CHRM3: variants seen among roughly 807,000 people sequenced by gnomAD.
CHRM3 encodes muscarinic acetylcholine receptor M3.
In CHRM3, 11 loss-of-function variants were observed where a neutral mutation model predicts 41.8. The ratio of observed to expected loss-of-function variants is 0.26; its 90% CI spans 0.17 to 0.44. CHRM3 has a LOEUF of 0.44. Ranked by LOEUF, CHRM3 falls within the 20% of genes least tolerant of loss-of-function variation. The probability of loss-of-function intolerance (pLI) is 1.00; values close to 1 mark genes in which losing one functional copy is unlikely to be tolerated. For missense variants in CHRM3, 571 were observed against 745.4 expected, an observed-to-expected ratio of 0.77 and a Z score of 2.72; for synonymous variants, 297 against 301.4, an observed-to-expected ratio of 0.99 and a Z score of 0.15.
At chr1:239,554,295 T>C (rs1197365657) in intron 3 of CHRM3, among the ~76,000 whole-genome samples, 1 of 152,156 alleles carries the variant, frequency 6.6e-6, no homozygotes, top group Non-Finnish European at 1.5e-5. Context: ...AGAATTCGAG[T>C]ATTCTATTTA....
intron 6 of CHRM3, among the ~76,000 whole-genome samples, chr1:239,833,764 C>T (rs1306310017): frequency 6.6e-6 from 1 of 152,182 alleles, no homozygotes; most frequent in Non-Finnish European, 1.5e-5. Flanking sequence ...AAAACTGCCT[C>T]ATTACCAAGT....
At position 239,908,096 on chromosome 1, in the gene CHRM3, T is replaced by C. The variant is rs754018936; in HGVS notation, c.645T>C (p.Thr215=). 2.5e-6 allele frequency: 4 copies of C among 1,614,088 alleles called. No homozygotes were observed. In the East Asian group the frequency reaches 8.9e-5, roughly 36 times the overall value. Residue 215 remains threonine, a synonymous_variant, in exon 7 of 7, where the codon ACT becomes ACC. Coordinates refer to ENST00000676153, the MANE Select transcript of CHRM3 (RefSeq NM_001375978.1). The surrounding 1 kb of genome is among the most constrained non-coding windows in gnomAD (Gnocchi z 7.2). The part of the protein sequence containing the change: ...LFWQYFVGKR[T]VPPGECFIQF... ...GGCAATACTTTGTTGGAAAGAGAAC[T>C]GTGCCTCCGGGAGAGTGCTTCATTC...
intron 6 of CHRM3, among the ~76,000 whole-genome samples, chr1:239,876,159 G>A (rs756282164): frequency 6.6e-6 from 1 of 152,138 alleles, no homozygotes; most frequent in Admixed American, 6.6e-5. Flanking sequence ...GATCTTAGTA[G>A]TATTAGCCCA....
chr1:239,749,590 C>A (rs774329082), intron 5 of CHRM3, among the ~76,000 whole-genome samples: 1 of 152,104 alleles, frequency 6.6e-6, no homozygotes, highest in Admixed American at 6.5e-5. Context: ...ATCACTTGAA[C>A]CCCAGAGATG....
intron 5 of CHRM3, among the ~76,000 whole-genome samples, chr1:239,700,773 TCTTA>T (rs548381907): frequency 1.3e-3 from 191 of 152,270 alleles, no homozygotes; most frequent in South Asian, 3.7e-3. Context: ...CCTCCTGTTT[TCTTA>T]CTTAAGAAGT....
At chr1:239,404,354 A>AAG (rs1660274953) in intron 1 of CHRM3, among the ~76,000 whole-genome samples, 1 of 39,858 alleles carries the variant, frequency 2.5e-5, no homozygotes, top group Non-Finnish European at 4.7e-5. Flanking sequence ...GAGAAAGAGA[A>AAG]AGAAAGAAAG....
intron 1 of CHRM3, among the ~76,000 whole-genome samples, chr1:239,416,185 A>G (rs1467128357): frequency 6.6e-6 from 1 of 152,206 alleles, no homozygotes; most frequent in Non-Finnish European, 1.5e-5. Context: ...GATTTTTATT[A>G]AATAAAAGTT....
intron 1 of CHRM3, among the ~76,000 whole-genome samples, chr1:239,404,442 G>A (rs1472585956): frequency 8.1e-6 from 1 of 123,012 alleles, no homozygotes. Flanking sequence ...AAGAAAGAAA[G>A]AAAGAAAGAA....
At chr1:239,619,326 C>T (rs1263128366) in intron 3 of CHRM3, among the ~76,000 whole-genome samples, 1 of 152,136 alleles carries the variant, frequency 6.6e-6, no homozygotes, top group Non-Finnish European at 1.5e-5. Flanking sequence ...TCTGGACTGC[C>T]TGAAGTCCAC....
chr1:239,791,429 A>G (rs113813195), intron 5 of CHRM3, among the ~76,000 whole-genome samples: 3 of 152,320 alleles, frequency 2.0e-5, no homozygotes, highest in African/African-American at 7.2e-5. Context: ...TAAAAGGGGC[A>G]TGTTGAGCAA....
chr1:239,501,496 A>G (rs1354143918), intron 2 of CHRM3, among the ~76,000 whole-genome samples: 1 of 152,214 alleles, frequency 6.6e-6, no homozygotes, highest in Non-Finnish European at 1.5e-5. Context: ...ATGCAAATAT[A>G]TGGAAATTAA....
At chr1:239,588,009 T>A (rs1663601693) in intron 3 of CHRM3, among the ~76,000 whole-genome samples, 1 of 152,222 alleles carries the variant, frequency 6.6e-6, no homozygotes, top group Non-Finnish European at 1.5e-5. Flanking sequence ...AAACATTCGA[T>A]CAGACCAATA....
chr1:239,527,174 G>C (rs140870599), intron 2 of CHRM3, among the ~76,000 whole-genome samples: 96 of 152,172 alleles, frequency 6.3e-4, no homozygotes, highest in African/African-American at 2.2e-3. Flanking sequence ...TACAAATGCT[G>C]TCTCCTTTAA....
At chr1:239,503,258 C>T (rs1668359044) in intron 2 of CHRM3, among the ~76,000 whole-genome samples, 1 of 152,118 alleles carries the variant, frequency 6.6e-6, no homozygotes, top group Admixed American at 6.6e-5. Context: ...CTCTTCTATA[C>T]ATCAACAGCG....
chr1:239,718,943 A>C (rs1662663739), intron 5 of CHRM3: 1 of 152,034 alleles, frequency 6.6e-6, no homozygotes, highest in Admixed American at 6.6e-5. Context: ...AGAGTTGAAA[A>C]ACTTACATAT....
intron 5 of CHRM3, among the ~76,000 whole-genome samples, chr1:239,682,964 T>C (rs957108016): frequency 6.6e-6 from 1 of 152,180 alleles, no homozygotes; most frequent in Non-Finnish European, 1.5e-5. Context: ...GCATATCATG[T>C]CACCTCATTT....
intron 6 of CHRM3, among the ~76,000 whole-genome samples, chr1:239,836,834 G>A (rs1673361458): frequency 6.6e-6 from 1 of 152,108 alleles, no homozygotes; most frequent in South Asian, 2.1e-4. Flanking sequence ...AATTAACTGG[G>A]CTTGATGGCA....
chr1:239,443,264 G>A (rs1427516641), intron 1 of CHRM3, among the ~76,000 whole-genome samples: 8 of 152,124 alleles, frequency 5.3e-5, no homozygotes, highest in Non-Finnish European at 1.0e-4. Context: ...GTGTGTTTGA[G>A]GAATAATCTG....
intron 5 of CHRM3, among the ~76,000 whole-genome samples, chr1:239,784,134 G>T (rs936555998): frequency 6.6e-6 from 1 of 151,994 alleles, no homozygotes; most frequent in Admixed American, 6.6e-5. Flanking sequence ...AAGTTTCATC[G>T]TTAGGCCTTC....
Sources: allele counts gnomAD v4.1 joint callset (sites outside exome capture counted in the v4.1 genomes callset), GRCh38; gene constraint gnomAD v4.1.1; non-coding constraint Gnocchi (gnomAD v3.1); transcripts MANE v1.5; gene names NCBI Gene and HGNC (gene_info 2026-07-23, HGNC 2026-07-21).